Variants in CHRM3 observed in about 807,000 individuals in gnomAD.
CHRM3 encodes the protein muscarinic acetylcholine receptor M3.
In CHRM3, 11 loss-of-function variants were observed where a neutral mutation model predicts 41.8. The ratio of observed to expected loss-of-function variants is 0.26; its 90% CI spans 0.17 to 0.44. The LOEUF (loss-of-function observed/expected upper bound fraction) is 0.44. Among genes scored for constraint, CHRM3 ranks in the 20% least tolerant of loss-of-function variants. The pLI, the probability that CHRM3 is intolerant of heterozygous loss-of-function variation, is 1.00. For synonymous variants in CHRM3, 297 were observed against 301.4 expected (o/e 0.99, Z 0.15); for missense variants, 571 against 745.4 (o/e 0.77, Z 2.72).
intron 3 of CHRM3, among the ~76,000 whole-genome samples, chr1:239,564,660 A>C (rs922677801): frequency 6.6e-6 from 1 of 152,178 alleles, no homozygotes; most frequent in Non-Finnish European, 1.5e-5. Flanking sequence ...GTTTTTAGGT[A>C]ACAAATTGTA....
At chr1:239,754,887 T>C (rs1666116362) in intron 5 of CHRM3, among the ~76,000 whole-genome samples, 1 of 152,154 alleles carries the variant, frequency 6.6e-6, no homozygotes, top group African/African-American at 2.4e-5. Context: ...CTTCCATAAT[T>C]TGTCTTATTG....
At chr1:239,526,423 C>T (rs1326367102) in intron 2 of CHRM3, among the ~76,000 whole-genome samples, 1 of 152,160 alleles carries the variant, frequency 6.6e-6, no homozygotes, top group African/African-American at 2.4e-5. Context: ...AGCAATTCCA[C>T]TTCATCCCAG....
At chr1:239,638,539 T>G (rs1407474342) in intron 4 of CHRM3, among the ~76,000 whole-genome samples, 4 of 152,190 alleles carry the variant, frequency 2.6e-5, no homozygotes, top group Non-Finnish European at 4.4e-5. Context: ...TTTCATGTGT[T>G]TTTTGGCTGC....
chr1:239,878,348 T>C (rs1677295243), intron 6 of CHRM3, among the ~76,000 whole-genome samples: 1 of 152,054 alleles, frequency 6.6e-6, no homozygotes, highest in African/African-American at 2.4e-5. Context: ...CCTTCGCAAA[T>C]GCAGTTCACA....
At chr1:239,639,353 ACAGTATGGC>A (rs1390988662) in intron 4 of CHRM3, among the ~76,000 whole-genome samples, 1 of 152,060 alleles carries the variant, frequency 6.6e-6, no homozygotes, top group Non-Finnish European at 1.5e-5. Flanking sequence ...ATTACCTTGG[ACAGTATGGC>A]CATTTTTACG....
At chr1:239,725,524 G>A in intron 5 of CHRM3, among the ~76,000 whole-genome samples, 1 of 151,890 alleles carries the variant, frequency 6.6e-6, no homozygotes, top group East Asian at 1.9e-4. Context: ...AATAAATAAA[G>A]ATAACATAAT....
intron 5 of CHRM3, among the ~76,000 whole-genome samples, chr1:239,812,832 G>C (rs1032743376): frequency 5.9e-5 from 9 of 152,188 alleles, no homozygotes; most frequent in Non-Finnish European, 1.0e-4. Context: ...AGGCTCAGAG[G>C]GGTTAAATGT....
chr1:239,576,868 A>G (rs1397671778), intron 3 of CHRM3, among the ~76,000 whole-genome samples: 1 of 152,116 alleles, frequency 6.6e-6, no homozygotes, highest in African/African-American at 2.4e-5. Context: ...AGAAACCAAC[A>G]GTTCTCTGAA....
intron 3 of CHRM3, among the ~76,000 whole-genome samples, chr1:239,584,323 C>T (rs989046463): frequency 2.0e-5 from 3 of 151,886 alleles, no homozygotes; most frequent in Non-Finnish European, 2.9e-5. Context: ...AGGCTGGTCT[C>T]GAACACCTGA....
At chr1:239,792,685 C>T (rs896222696) in intron 5 of CHRM3, among the ~76,000 whole-genome samples, 1 of 152,114 alleles carries the variant, frequency 6.6e-6, no homozygotes, top group East Asian at 1.9e-4. Flanking sequence ...GACCTTAGGA[C>T]TTGAATGAAT....
Position 239,861,112 on chromosome 1 carries a change from A to G in CHRM3, c.-20+33734A>G, listed in dbSNP as rs1031880590. Among the ~76,000 whole-genome samples the G allele has an allele frequency of 1.4e-4, 22 of 152,238 alleles. No individual in the cohort carries two copies. The East Asian group carries it at 4.1e-3, about 28-fold the overall frequency. ...TATTATTAACATTCAATTATATTCT[A>G]TTGAGTGTATTCTCTGAGCCAGGCA... On this transcript the variant is annotated intron_variant, in intron 6 of 6. Coordinates refer to ENST00000676153, the MANE Select transcript of CHRM3 (RefSeq NM_001375978.1).
At chr1:239,414,762 C>T (rs1016505360) in intron 1 of CHRM3, among the ~76,000 whole-genome samples, 2 of 152,090 alleles carry the variant, frequency 1.3e-5, no homozygotes, top group African/African-American at 2.4e-5. Context: ...TTAAGGAACA[C>T]GTGGTGAGTA....
At chr1:239,516,558 G>C (rs543537723) in intron 2 of CHRM3, among the ~76,000 whole-genome samples, 1 of 152,200 alleles carries the variant, frequency 6.6e-6, no homozygotes, top group Non-Finnish European at 1.5e-5. Flanking sequence ...TCTACTAGCT[G>C]TATGAGATAG....
intron 3 of CHRM3, among the ~76,000 whole-genome samples, chr1:239,592,617 C>T (rs1276063978): frequency 1.3e-5 from 2 of 152,094 alleles, no homozygotes; most frequent in African/African-American, 4.8e-5. Context: ...CCTGTTGTAG[C>T]ATATATCAGT....
At chr1:239,638,051 T>C (rs1670682085) in intron 4 of CHRM3, among the ~76,000 whole-genome samples, 1 of 151,628 alleles carries the variant, frequency 6.6e-6, no homozygotes, top group African/African-American at 2.4e-5. Flanking sequence ...CTGAGAATGA[T>C]GATTTCCAAT....
intron 4 of CHRM3, among the ~76,000 whole-genome samples, chr1:239,672,599 T>TACACACACACACAC: frequency 2.1e-5 from 3 of 145,944 alleles, no homozygotes; most frequent in Admixed American, 6.8e-5. Flanking sequence ...TTCTTCCCAC[T>TACACACACACACAC]ACACACACAC....
chr1:239,761,626 G>A (rs1466871290), intron 5 of CHRM3, among the ~76,000 whole-genome samples: 7 of 152,160 alleles, frequency 4.6e-5, no homozygotes, highest in Admixed American at 4.6e-4. Flanking sequence ...CACTACCACT[G>A]AGGCAATATG....
At chr1:239,544,125 A>G (rs73116739) in intron 2 of CHRM3, among the ~76,000 whole-genome samples, 6,333 of 152,272 alleles carry the variant, frequency 0.042, 449 homozygotes, top group African/African-American at 0.14. Flanking sequence ...GATTGCTGTG[A>G]TGCTGCTTTT....
chr1:239,842,065 T>C (rs1470074420), intron 6 of CHRM3, among the ~76,000 whole-genome samples: 4 of 152,182 alleles, frequency 2.6e-5, no homozygotes, highest in Non-Finnish European at 5.9e-5. Context: ...TGAATGAGGT[T>C]CAGAGGTATT....
Sources: gnomAD v4.1 joint callset for allele counts (sites outside exome capture counted in the v4.1 genomes callset) on GRCh38, gnomAD v4.1.1 for gene constraint, MANE v1.5 for transcripts, NCBI Gene and HGNC (gene_info 2026-07-23, HGNC 2026-07-21) for gene names.